The following TOP6BL variants were observed in gnomAD, a reference collection of about 807,000 sequenced individuals.
TOP6BL encodes the protein TOP6B like initiator of meiotic double strand breaks, also known as type 2 DNA topoisomerase 6 subunit B-like.
the TOP6BL span, among the ~76,000 whole-genome samples, chr11:66,800,044 A>G: frequency 1.3e-5 from 2 of 151,892 alleles, no homozygotes; most frequent in African/African-American, 2.4e-5. Flanking sequence ...CAGGCTGGGC[A>G]ACAGAGCAAG....
chr11:66,838,025 T>A, the TOP6BL span, among the ~76,000 whole-genome samples: 1 of 152,090 alleles, frequency 6.6e-6, no homozygotes, highest in Admixed American at 6.6e-5. Context: ...TTGAAGGGAT[T>A]TAGGGTGTAG....
chr11:66,748,620 A>C, the TOP6BL span: 1 of 913,830 alleles, frequency 1.1e-6, no homozygotes, highest in South Asian at 2.3e-5. Flanking sequence ...TTATTCCAGG[A>C]TTGTTCCATA....
chr11:66,776,891 AAAT>A, the TOP6BL span, among the ~76,000 whole-genome samples: 2 of 152,108 alleles, frequency 1.3e-5, no homozygotes, highest in African/African-American at 2.4e-5. Context: ...CTCTACAAAA[AAAT>A]ACAAAAATTA....
chr11:66,750,221 C>T, the TOP6BL span, among the ~76,000 whole-genome samples: 1 of 152,014 alleles, frequency 6.6e-6, no homozygotes, highest in Admixed American at 6.6e-5. Context: ...AAAATGTACA[C>T]TTATTTAGTT....
At chr11:66,836,553 TGA>T in the TOP6BL span, among the ~76,000 whole-genome samples, 9 of 150,030 alleles carry the variant, frequency 6.0e-5, no homozygotes, top group African/African-American at 1.9e-4. Flanking sequence ...TATTGAGTTA[TGA>T]GAGTTCTTTA....
the TOP6BL span, among the ~76,000 whole-genome samples, chr11:66,787,937 A>C: frequency 1.3e-5 from 2 of 152,220 alleles, no homozygotes; most frequent in South Asian, 4.1e-4. Flanking sequence ...CAAATGTAAA[A>C]AATTGAAAAG....
the TOP6BL span, chr11:66,762,236 G>A: frequency 5.2e-6 from 3 of 578,324 alleles, no homozygotes; most frequent in Admixed American, 5.5e-5. Context: ...GCCGCAGGGG[G>A]CCCGGCCGCA....
At chr11:66,812,185 C>CTTTTTTTTTTTTTTTTTT in the TOP6BL span, among the ~76,000 whole-genome samples, 5 of 140,296 alleles carry the variant, frequency 3.6e-5, no homozygotes, top group African/African-American at 5.5e-5. Context: ...GAGTTTGCAT[C>CTTTTTTTTTTTTTTTTTT]TTTTTTTTTG....
chr11:66,812,019 G>A, the TOP6BL span, among the ~76,000 whole-genome samples: 1 of 151,952 alleles, frequency 6.6e-6, no homozygotes, highest in Non-Finnish European at 1.5e-5. Flanking sequence ...ATAGAAAAGA[G>A]GAAAAAGGAA....
the TOP6BL span, chr11:66,795,809 T>C: frequency 1.3e-5 from 2 of 152,212 alleles, no homozygotes; most frequent in Non-Finnish European, 2.9e-5. Flanking sequence ...CTTTTCCTTA[T>C]AAATAAATGT....
chr11:66,750,717 C>T, the TOP6BL span, among the ~76,000 whole-genome samples: 1 of 150,502 alleles, frequency 6.6e-6, no homozygotes, highest in Non-Finnish European at 1.5e-5. Context: ...TTTTTTTCCC[C>T]CAAATATGGT....
At chr11:66,747,800 A>G in the TOP6BL span, among the ~76,000 whole-genome samples, 1 of 151,402 alleles carries the variant, frequency 6.6e-6, no homozygotes, top group Non-Finnish European at 1.5e-5. Context: ...TGTTGTTGTT[A>G]GTAGAGATAA....
the TOP6BL span, chr11:66,815,797 T>TCGGTGG: frequency 2.2e-5 from 8 of 358,276 alleles, no homozygotes; most frequent in South Asian, 6.9e-5. Flanking sequence ...TGTGTAGAGC[T>TCGGTGG]TCTCAGTAAT....
chr11:66,785,147 C>T, the TOP6BL span, among the ~76,000 whole-genome samples: 2 of 151,602 alleles, frequency 1.3e-5, no homozygotes, highest in Non-Finnish European at 1.5e-5. Context: ...TTAGTAGAGA[C>T]GGGGTTTCAC....
the TOP6BL span, among the ~76,000 whole-genome samples, chr11:66,828,966 GTGTTTTT>G: frequency 1.6e-4 from 23 of 143,762 alleles, no homozygotes; most frequent in East Asian, 4.5e-3. Context: ...AAGTGTGTGT[GTGTTTTT>G]TGTTTTTTTT....
the TOP6BL span, chr11:66,843,153 C>A: frequency 6.2e-7 from 1 of 1,610,716 alleles, no homozygotes; most frequent in East Asian, 2.2e-5. Flanking sequence ...CACCCCGGGC[C>A]CCCTTGTTCC....
the TOP6BL span, among the ~76,000 whole-genome samples, chr11:66,761,403 AAAG>A: frequency 1.3e-5 from 2 of 152,132 alleles, no homozygotes; most frequent in Non-Finnish European, 2.9e-5. Context: ...AAAAAGGAAA[AAAG>A]AAAAAAATGA....
At chr11:66,829,860 A>G in the TOP6BL span, among the ~76,000 whole-genome samples, 1 of 152,158 alleles carries the variant, frequency 6.6e-6, no homozygotes, top group East Asian at 1.9e-4. Context: ...CTACACTCCA[A>G]TCTAGGTGGC....
At chr11:66,841,183 C>G in the TOP6BL span, among the ~76,000 whole-genome samples, 1 of 130,184 alleles carries the variant, frequency 7.7e-6, no homozygotes, top group Non-Finnish European at 1.5e-5. Context: ...GTGGCGTGAT[C>G]TCGGCTCACT....
Sources: allele counts gnomAD v4.1 joint callset (sites outside exome capture counted in the v4.1 genomes callset), GRCh38; gene constraint gnomAD v4.1.1; transcripts MANE v1.5; gene names NCBI Gene and HGNC (gene_info 2026-07-23, HGNC 2026-07-21).